USP1: variants seen among roughly 807,000 people sequenced by gnomAD.
USP1 encodes the protein ubiquitin specific peptidase 1, also known as ubiquitin carboxyl-terminal hydrolase 1.
A neutral mutation model predicts 72.2 loss-of-function variants in USP1; 18 were observed. That is an observed-to-expected ratio of 0.25 (90% CI 0.17 to 0.37). The LOEUF is 0.37. Among genes scored for constraint, USP1 ranks in the 10% least tolerant of loss-of-function variants. USP1 has a pLI of 1.00. For synonymous variants in USP1, 354 were observed against 303.7 expected, an observed-to-expected ratio of 1.17 and a Z score of -1.72; for missense variants, 759 against 884.9, an observed-to-expected ratio of 0.86 and a Z score of 1.81.
chr1:62,443,702 C>T (rs61775861), intron 5 of USP1, among the ~76,000 whole-genome samples: 2 of 151,994 alleles, frequency 1.3e-5, no homozygotes, highest in Non-Finnish European at 2.9e-5. Context: ...ATGCGTGGTC[C>T]TAAGGATTTC....
intron 5 of USP1, 130 bp from the exon 6 acceptor site, chr1:62,444,608 T>C (rs1645156981): frequency 2.7e-6 from 2 of 734,324 alleles, no homozygotes; most frequent in Non-Finnish European, 3.9e-6. Flanking sequence ...AAATTAGTGC[T>C]GAATAAATGT....
intron 4 of USP1, among the ~76,000 whole-genome samples, chr1:62,442,942 C>T (rs1645143731): frequency 1.3e-5 from 2 of 152,030 alleles, no homozygotes; most frequent in African/African-American, 2.4e-5. Context: ...GTTGAGGCTC[C>T]AGTGAGCCGC....
chr1:62,449,285 A>AT (rs932066139), intron 8 of USP1, among the ~76,000 whole-genome samples: 10 of 152,144 alleles, frequency 6.6e-5, no homozygotes, highest in African/African-American at 2.2e-4. Flanking sequence ...ATACATCAAG[A>AT]TTTTTTTGAA....
At chr1:62,447,275 T>C in intron 6 of USP1, 66 bp from the exon 7 acceptor site, 2 of 1,430,274 alleles carry the variant, frequency 1.4e-6, no homozygotes, top group Non-Finnish European at 1.9e-6. Flanking sequence ...AAATGGAAAA[T>C]TGGTTATTTG....
In USP1 at chr1:62,437,278, C is replaced by T; in HGVS notation, c.-192C>T. 1.3e-5 allele frequency: 5 copies of T among 397,668 alleles called. No homozygotes were observed. The highest frequency in any genetic ancestry group is 2.2e-5 in the Non-Finnish European group (5 of 225,848). The allele number at this position is 397,668 out of a possible 1,614,324, so 24.6% of individuals were successfully genotyped here. A position where few individuals can be genotyped will look rare whatever the true frequency, so the allele number is the denominator to read the frequency against. On this transcript the variant is annotated 5_prime_UTR_variant, in exon 1 of 9. It introduces an in-frame stop codon into an upstream open reading frame of the 5' UTR. Transcript: ENST00000339950. ...TCCCCCGCGGGGAGGGCGAGCCGAC[C>T]AGATTTTCCTGGGGCCGGGGACCCG... is the stretch of plus-strand genomic sequence containing the variant.
intron 2 of USP1, 110 bp downstream of exon 2, chr1:62,440,147 C>A: frequency 1.1e-6 from 1 of 925,668 alleles, no homozygotes; most frequent in Non-Finnish European, 1.5e-6. Context: ...AAAAAGTACG[C>A]TTCAGTGTAC....
chr1:62,444,256 T>G (rs1645153682), intron 5 of USP1, among the ~76,000 whole-genome samples: 1 of 87,972 alleles, frequency 1.1e-5, no homozygotes, highest in Admixed American at 1.3e-4. Context: ...AAGACCCTTG[T>G]CTCCAAAAAA....
In USP1 at chr1:62,448,532, A is replaced by T; in HGVS notation, c.1488A>T (p.Glu496Asp). The change falls in exon 8 of 9, where the codon GAA becomes GAT. Residue 496 changes from glutamate (E) to aspartate (D), a missense_variant. Around this residue, in one of 9 missense-constraint regions of USP1, gnomAD observed 140 missense variants for 222.8 expected, o/e 0.63. Transcript: ENST00000339950. ...CAATTTCACAATTTGCTTCAGTAGA[A>T]AGGATTGTAGGAGAAGATAAATATT... ...RWAISQFASV[E>D]RIVGEDKYFC... is the part of the protein sequence containing the mutation. The T allele has an allele frequency of 6.2e-7, 1 of 1,613,958 alleles. No individual in the cohort carries two copies. The highest frequency in any genetic ancestry group is 1.1e-5 in the South Asian group (1 of 91,082).
rs1645093059 is a variant in USP1, at chr1:62,437,077, G to C, written c.-393G>C. On this transcript the variant is annotated 5_prime_UTR_variant, in exon 1 of 9. Transcript: ENST00000339950. ...AACGCGCCAAGTTCCCCTCGGTGGC[G>C]GAGTGCTAAAGACCCTAGCGGTTCA... is the stretch of plus-strand genomic sequence containing the variant. The C allele has an allele frequency of 2.5e-6, 1 of 398,938 alleles. No individual in the cohort carries two copies. The highest frequency in any genetic ancestry group is 4.4e-6 in the Non-Finnish European group (1 of 225,986). The allele number at this position is 398,938 out of a possible 1,614,324, so 24.7% of individuals were successfully genotyped here. A position where few individuals can be genotyped will look rare whatever the true frequency, so the allele number is the denominator to read the frequency against.
rs780706884 is a variant in USP1, at chr1:62,450,342, C to T, written c.1719C>T (p.Asn573=). Residue 573 remains asparagine, a synonymous_variant, in exon 9 of 9, where the codon AAC becomes AAT. Transcript: ENST00000339950. Reference sequence around the variant, plus strand: ...AAGAATGGAGCACAAAGCCAACTAACGACAGCTATGGATTATTTGCGGTTG... The same window carrying T: ...AAGAATGGAGCACAAAGCCAACTAATGACAGCTATGGATTATTTGCGGTTG... ...SLEEWSTKPT[N]DSYGLFAVVM... 128 of 1,613,964 alleles carry T rather than the reference C, an allele frequency of 7.9e-5. No homozygotes were observed. The Admixed American group carries it at 9.3e-4, about 12-fold the overall frequency.
At position 62,450,562 on chromosome 1, in the gene USP1, A is replaced by G. The variant is rs780436831; in HGVS notation, c.1939A>G (p.Arg647Gly). The change falls in exon 9 of 9, where the codon AGA becomes GGA. Residue 647 changes from arginine (R) to glycine (G), a missense_variant. Physicochemically the swap from Arg to Gly is moderately radical, Grantham distance 125. Around this residue, in one of 9 missense-constraint regions of USP1, gnomAD observed 159 missense variants for 140.9 expected, o/e 1.13. Transcript: ENST00000339950. The stretch of plus-strand genomic sequence containing the variant: ...TTATAATGATGAAGAAGTGTCAATT[A>G]GAGTTGGTGGAAATACACAGCCAAG... ...ENYNDEEVSI[R>G]VGGNTQPSKV... The G allele has an allele frequency of 1.2e-6, 2 of 1,613,898 alleles. No individual in the cohort carries two copies. Among genetic ancestry groups the G allele is most frequent in the African/African-American group, 1.3e-5 (1 of 74,936 alleles).
In USP1 at chr1:62,445,242, A is replaced by C. The variant is rs2149206287; in HGVS notation, c.1062A>C (p.Lys354Asn). 6.2e-7 allele frequency: 1 copy of C among 1,611,964 alleles called. No individual in the cohort carries two copies. Among genetic ancestry groups the C allele is most frequent in the Non-Finnish European group, 8.5e-7 (1 of 1,179,446 alleles). Residue 354 changes from lysine (K) to asparagine (N), a missense_variant, in exon 6 of 9, where the codon AAA (lysine) becomes AAC (asparagine). Transcript: ENST00000339950. ...CTAAGCAACCCAGCATTCTTTCTAA[A>C]TTTTGTAGTCTGGGAAAAATAACAA... is the stretch of plus-strand genomic sequence containing the variant. ...SATKQPSILS[K>N]FCSLGKITTN... is the part of the protein sequence containing the mutation.
At position 62,450,237 on chromosome 1, in the gene USP1, C is replaced by G; in HGVS notation, c.1623-9C>G. ...CTGCAGGAAACCTTTTCTTTTTTTC[C>G]TCCCAAAGGTTTGATTGTTATGGTG... On this transcript the variant is annotated splice_polypyrimidine_tract_variant and intron_variant, in intron 8 of 8. Coordinates refer to ENST00000339950, the MANE Select transcript of USP1 (RefSeq NM_003368.5). 6.3e-7 allele frequency: 1 copy of G among 1,578,078 alleles called. No individual in the cohort carries two copies. The highest frequency in any genetic ancestry group is 8.6e-7 in the Non-Finnish European group (1 of 1,162,994).
Position 62,441,624 on chromosome 1 carries a change from TG to T in USP1, c.291+17del. The T allele has an allele frequency of 6.2e-7, 1 of 1,602,268 alleles. No homozygotes were observed. Among genetic ancestry groups the T allele is most frequent in the African/African-American group, 1.3e-5 (1 of 74,406 alleles). On this transcript the variant is annotated intron_variant, in intron 3 of 8. Transcript: ENST00000339950. ...TATACTTCAGGTAAATTGACAATTTTGCTATATCATAAAGCTTTAGTAGGCA... is the reference window on the plus strand; with the variant it reads ...TATACTTCAGGTAAATTGACAATTTTCTATATCATAAAGCTTTAGTAGGCA...
At position 62,445,440 on chromosome 1, in the gene USP1, T is replaced by C; in HGVS notation, c.1249+11T>C. ...AACCCATAAACAAAGGTTAGTATAA[T>C]TCTTAGACTTTGATAGGTAGAAGCA... On this transcript the variant is annotated intron_variant, in intron 6 of 8. Coordinates refer to ENST00000339950, the MANE Select transcript of USP1 (RefSeq NM_003368.5). 1 of 1,511,486 alleles carries C rather than the reference T, an allele frequency of 6.6e-7. No homozygotes were observed. Among genetic ancestry groups the C allele is most frequent in the African/African-American group, 1.4e-5 (1 of 71,600 alleles). 93.6% of individuals were successfully genotyped at this position (1,511,486 alleles called of 1,614,324 possible).
chr1:62,441,923 CATTGT>C (rs1175014435), intron 3 of USP1, among the ~76,000 whole-genome samples: 1 of 152,076 alleles, frequency 6.6e-6, no homozygotes, highest in East Asian at 1.9e-4. Context: ...GTAACGTTGG[CATTGT>C]GTTGTGTGTC....
intron 3 of USP1, 93 bp downstream of exon 3, chr1:62,441,701 C>A (rs1390315208): frequency 1.4e-6 from 2 of 1,381,260 alleles, no homozygotes; most frequent in East Asian, 2.5e-5. Context: ...ACTTTAATGT[C>A]CATACTGTCT....
chr1:62,447,830 A>G (rs776253936), intron 7 of USP1, among the ~76,000 whole-genome samples: 4 of 152,128 alleles, frequency 2.6e-5, no homozygotes, highest in African/African-American at 4.8e-5. Context: ...TCGGTTGCCC[A>G]GGCTGGAGTG....
At position 62,448,553 on chromosome 1, in the gene USP1, A is replaced by G. The variant is rs1645192457; in HGVS notation, c.1509A>G (p.Lys503=). 3.7e-6 allele frequency: 6 copies of G among 1,613,856 alleles called. No individual in the cohort carries two copies. Among genetic ancestry groups the G allele is most frequent in the Admixed American group, 1.7e-5 (1 of 60,004 alleles). ...TAGAAAGGATTGTAGGAGAAGATAAATATTTCTGTGAAAACTGCCATCATT... is the reference window on the plus strand; with the variant it reads ...TAGAAAGGATTGTAGGAGAAGATAAGTATTTCTGTGAAAACTGCCATCATT... ...ASVERIVGED[K]YFCENCHHYT... Residue 503 remains lysine (K), a synonymous_variant, in exon 8 of 9, where the codon AAA becomes AAG. Transcript: ENST00000339950.
Sources: allele counts gnomAD v4.1 joint callset (sites outside exome capture counted in the v4.1 genomes callset), GRCh38; gene constraint gnomAD v4.1.1; regional missense constraint gnomAD v4.1.1; transcripts MANE v1.5; gene names NCBI Gene and HGNC (gene_info 2026-07-23, HGNC 2026-07-21).